SETDB2: variants seen among roughly 807,000 people sequenced by gnomAD.
SETDB2 encodes the protein SET domain bifurcated histone lysine methyltransferase 2, also known as histone-lysine N-methyltransferase SETDB2.
A neutral mutation model predicts 82.5 loss-of-function variants in SETDB2; 56 were observed. That is an observed-to-expected ratio of 0.68 (90% CI 0.55 to 0.85). SETDB2 has a LOEUF of 0.85. SETDB2 is among the 40% of genes least tolerant of loss of function. The probability of loss-of-function intolerance (pLI) is 0.00; values close to 1 mark genes in which losing one functional copy is unlikely to be tolerated. For missense variants in SETDB2, 677 were observed against 816.4 expected (o/e 0.83, Z 2.08); for synonymous variants, 272 against 284.9 (o/e 0.95, Z 0.46).
intron 5 of SETDB2, among the ~76,000 whole-genome samples, chr13:49,472,399 C>T (rs917269085): frequency 1.3e-5 from 2 of 152,154 alleles, no homozygotes; most frequent in African/African-American, 4.8e-5. Context: ...TAACAACACC[C>T]TGAACAATTG....
At chr13:49,480,468 G>T in intron 7 of SETDB2, 133 bp downstream of exon 7, 1 of 598,716 alleles carries the variant, frequency 1.7e-6, no homozygotes, top group Non-Finnish European at 2.9e-6. Flanking sequence ...AAATTATTAA[G>T]GAATAAAAAT....
At chr13:49,488,176 A>T in intron 11 of SETDB2, 114 bp from the exon 12 acceptor site, 1 of 1,416,572 alleles carries the variant, frequency 7.1e-7, no homozygotes, top group South Asian at 1.6e-5. Flanking sequence ...TACCTGCCTA[A>T]CACATTGTAA....
At chr13:49,447,482 A>G (rs1355375968) in intron 1 of SETDB2, among the ~76,000 whole-genome samples, 2 of 152,124 alleles carry the variant, frequency 1.3e-5, no homozygotes, top group Non-Finnish European at 2.9e-5. Flanking sequence ...ATGTTTCATC[A>G]TTGAGTATGA....
Position 49,476,756 on chromosome 13 carries a change from T to G in SETDB2, c.586T>G (p.Tyr196Asp). 1 of 1,614,222 alleles carries G rather than the reference T, an allele frequency of 6.2e-7. No homozygotes were observed. Among genetic ancestry groups the G allele is most frequent in the South Asian group, 1.1e-5 (1 of 91,084 alleles). The change falls in exon 6 of 14, where the codon TAC (tyrosine) becomes GAC (aspartate). Residue 196 changes from tyrosine (Y) to aspartate (D), a missense_variant. Physicochemically the swap from Tyr to Asp is radical, Grantham distance 160. Around this residue, in one of 3 missense-constraint regions of SETDB2, gnomAD observed 243 missense variants for 237.2 expected, o/e 1.02. Coordinates refer to ENST00000611815, the MANE Select transcript of SETDB2 (RefSeq NM_001160308.3). ...ACGAAACGTGGAGGAAGTTTTTCGT[T>G]ACCTGCTTGAGACAGAGTGTAACTT... ...SLRNVEEVFR[Y>D]LLETECNFLF... is the part of the protein sequence containing the mutation.
chr13:49,464,632 A>G (rs1958064596), intron 4 of SETDB2, among the ~76,000 whole-genome samples: 1 of 152,226 alleles, frequency 6.6e-6, no homozygotes, highest in Non-Finnish European at 1.5e-5. Context: ...TAGTTGGTCC[A>G]TCTGAAATGT....
chr13:49,464,192 T>G (rs1958055156), intron 4 of SETDB2: 1 of 680,116 alleles, frequency 1.5e-6, no homozygotes, highest in South Asian at 1.6e-5. Flanking sequence ...AGTGTCTGTC[T>G]GAGTATAGTA....
intron 5 of SETDB2, among the ~76,000 whole-genome samples, chr13:49,470,800 G>A (rs185561067): frequency 1.3e-4 from 20 of 152,222 alleles, no homozygotes; most frequent in East Asian, 9.6e-4. Context: ...AGCCATGATC[G>A]CGCCTCCGCA....
intron 1 of SETDB2, among the ~76,000 whole-genome samples, chr13:49,450,896 T>A (rs1277909284): frequency 6.6e-6 from 1 of 151,284 alleles, no homozygotes; most frequent in Non-Finnish European, 1.5e-5. Context: ...ATACTAAAAA[T>A]TAATCTATAA....
Position 49,493,061 on chromosome 13 carries a change from T to G in SETDB2, c.*1212T>G, listed in dbSNP as rs1404896561. 1.3e-5 allele frequency: 2 copies of G among 151,802 alleles called. No individual in the cohort carries two copies. Among genetic ancestry groups the G allele is most frequent in the Non-Finnish European group, 2.9e-5 (2 of 67,972 alleles). The allele number at this position is 151,802 out of a possible 1,614,324, so 9.4% of individuals were successfully genotyped here. ...GGCATGATTTGCAAATCTTTTTTTT[T>G]TACAGAAAAAAGGCAAAGAGTAAGC... On this transcript the variant is annotated 3_prime_UTR_variant, in exon 14 of 14. Transcript: ENST00000611815.
chr13:49,470,265 A>C (rs1413350094), intron 5 of SETDB2, among the ~76,000 whole-genome samples: 1 of 152,162 alleles, frequency 6.6e-6, no homozygotes, highest in Non-Finnish European at 1.5e-5. Flanking sequence ...TTTTGAGATT[A>C]TACCTAACTT....
At chr13:49,452,110 CT>C (rs61091424) in intron 2 of SETDB2, among the ~76,000 whole-genome samples, 10,991 of 146,570 alleles carry the variant, frequency 0.075, 645 homozygotes, top group African/African-American at 0.17. Context: ...TTTTTGTAAA[CT>C]TTTTTTTTTT....
intron 6 of SETDB2, among the ~76,000 whole-genome samples, chr13:49,478,787 G>A (rs1196703819): frequency 2.6e-5 from 4 of 152,068 alleles, no homozygotes; most frequent in African/African-American, 7.2e-5. Context: ...TTAGCGTGGC[G>A]TGGTGGGACG....
chr13:49,456,008 G>A (rs1957875061), intron 2 of SETDB2, among the ~76,000 whole-genome samples: 1 of 152,068 alleles, frequency 6.6e-6, no homozygotes, highest in Admixed American at 6.6e-5. Context: ...TAAGTCACTA[G>A]CAGTTTTACT....
At position 49,490,803 on chromosome 13, in the gene SETDB2, GTTTATT is replaced by G. The variant is rs547289544; in HGVS notation, c.1918-11_1918-6del. ...ACTTTATGCTATTTCTAACCTTTGT[GTTTATT>G]TTTATTTAACAGCATAGTTGTTGCC... On this transcript the variant is annotated splice_polypyrimidine_tract_variant and intron_variant, in intron 12 of 13. Transcript: ENST00000611815. The G allele has an allele frequency of 5.7e-5, 91 of 1,583,126 alleles. No homozygotes were observed. The highest frequency in any genetic ancestry group is 6.8e-5 in the Non-Finnish European group (79 of 1,156,446).
chr13:49,447,406 G>T (rs9596108), intron 1 of SETDB2, among the ~76,000 whole-genome samples: 1 of 151,934 alleles, frequency 6.6e-6, no homozygotes, highest in Non-Finnish European at 1.5e-5. Context: ...AAGACTTCCA[G>T]TACAGTATTG....
intron 2 of SETDB2, among the ~76,000 whole-genome samples, chr13:49,458,970 A>G (rs544432148): frequency 1.3e-5 from 2 of 152,352 alleles, no homozygotes; most frequent in African/African-American, 2.4e-5. Context: ...GTCATGCCCT[A>G]CCTGCCTTTT....
chr13:49,469,664 G>T (rs949361312), intron 5 of SETDB2, among the ~76,000 whole-genome samples: 20 of 151,848 alleles, frequency 1.3e-4, no homozygotes, highest in African/African-American at 4.8e-4. Context: ...AGTGGTCAAA[G>T]AAAAAATCAG....
At chr13:49,476,086 C>G (rs1256259767) in intron 5 of SETDB2, among the ~76,000 whole-genome samples, 1 of 152,040 alleles carries the variant, frequency 6.6e-6, no homozygotes, top group East Asian at 1.9e-4. Context: ...CTATGAAATA[C>G]CTAACAGAAA....
Position 49,480,977 on chromosome 13 carries a change from T to C in SETDB2, c.1017T>C (p.Cys339=). Residue 339 remains cysteine, a synonymous_variant, in exon 8 of 14, where the codon TGT becomes TGC. Coordinates refer to ENST00000611815, the MANE Select transcript of SETDB2 (RefSeq NM_001160308.3). ...ATGAATGCAGCCTTTTGTGCAAATGTAATCGACAATTGTGTCAAAACCGAG... is the reference window on the plus strand; with the variant it reads ...ATGAATGCAGCCTTTTGTGCAAATGCAATCGACAATTGTGTCAAAACCGAG... ...GIYECSLLCK[C]NRQLCQNRVV... 1 of 1,614,176 alleles carries C rather than the reference T, an allele frequency of 6.2e-7. No homozygotes were observed. Among genetic ancestry groups the C allele is most frequent in the South Asian group, 1.1e-5 (1 of 91,082 alleles).
Sources: allele counts gnomAD v4.1 joint callset (sites outside exome capture counted in the v4.1 genomes callset), GRCh38; gene constraint gnomAD v4.1.1; regional missense constraint gnomAD v4.1.1; transcripts MANE v1.5; gene names NCBI Gene and HGNC (gene_info 2026-07-23, HGNC 2026-07-21).